Variants in LRP12 observed in about 807,000 individuals in gnomAD.
The protein encoded by LRP12 is LDL receptor related protein 12.
LRP12 carries 14 observed loss-of-function variants against 66.0 expected under a neutral mutation model. The observed-to-expected ratio is 0.21, with a 90% CI of 0.14 to 0.33. The LOEUF (loss-of-function observed/expected upper bound fraction) is 0.33. Among genes scored for constraint, LRP12 ranks in the 10% least tolerant of loss-of-function variants. LRP12 has a pLI of 1.00. For missense variants in LRP12, 889 were observed against 1,053.4 expected (o/e 0.84, Z 2.16); for synonymous variants, 357 against 359.1 (o/e 0.99, Z 0.07).
chr8:104,500,470 C>T (rs778129900), intron 3 of LRP12, among the ~76,000 whole-genome samples: 2 of 151,856 alleles, frequency 1.3e-5, no homozygotes, highest in East Asian at 1.9e-4. Flanking sequence ...CACTTTGGGA[C>T]GCTGAGGTGG....
chr8:104,548,276 AT>A (rs1183693261), intron 1 of LRP12, among the ~76,000 whole-genome samples: 3 of 90,456 alleles, frequency 3.3e-5, no homozygotes, highest in African/African-American at 1.6e-4. Flanking sequence ...GATATATATT[AT>A]ATTAATATAT....
intron 2 of LRP12, among the ~76,000 whole-genome samples, chr8:104,531,189 A>G (rs956407286): frequency 3.3e-5 from 5 of 152,196 alleles, no homozygotes; most frequent in African/African-American, 9.6e-5. Context: ...ACTTATCAAT[A>G]TAGGGAAATA....
chr8:104,548,078 G>T (rs1451797809), intron 1 of LRP12, among the ~76,000 whole-genome samples: 2 of 111,098 alleles, frequency 1.8e-5, no homozygotes, highest in South Asian at 2.6e-4. Context: ...ATATAATTCT[G>T]TTATATTATA....
At chr8:104,495,357 T>G (rs956765096) in intron 5 of LRP12, 148 bp from the exon 6 acceptor site, 2 of 739,840 alleles carry the variant, frequency 2.7e-6, no homozygotes, top group South Asian at 2.0e-5. Flanking sequence ...ACTGAATATA[T>G]GTATTATCCC....
intron 2 of LRP12, among the ~76,000 whole-genome samples, chr8:104,523,934 T>G (rs1270094907): frequency 6.6e-6 from 1 of 152,098 alleles, no homozygotes; most frequent in African/African-American, 2.4e-5. Flanking sequence ...TTTTCTTTTC[T>G]CTAGCTAACT....
intron 1 of LRP12, among the ~76,000 whole-genome samples, chr8:104,586,171 T>C (rs1482162299): frequency 6.6e-6 from 1 of 152,228 alleles, no homozygotes; most frequent in East Asian, 1.9e-4. Context: ...GAAAACATTA[T>C]ATTCTAGATT....
chr8:104,588,980 C>CGCCGCCGCT lies in LRP12; in HGVS notation c.-84_-83insAGCGGCGGC, dbSNP rs1812389644. 1 of 752,170 alleles carries CGCCGCCGCT rather than the reference C, an allele frequency of 1.3e-6. No individual in the cohort carries two copies. Among genetic ancestry groups the CGCCGCCGCT allele is most frequent in the Non-Finnish European group, 2.0e-6 (1 of 491,706 alleles). The allele number at this position is 752,170 out of a possible 1,614,324, so 46.6% of individuals were successfully genotyped here. On this transcript the variant is annotated 5_prime_UTR_variant, in exon 1 of 7. Transcript: ENST00000276654. ...AGGTAGACGACGCCGACGCCGCCGC[C>CGCCGCCGCT]GCCGCCGCCGCCGCCGCCGAGCCAC...
At chr8:104,587,913 C>G (rs190697444) in intron 1 of LRP12, among the ~76,000 whole-genome samples, 5 of 152,318 alleles carry the variant, frequency 3.3e-5, no homozygotes, top group South Asian at 2.1e-4. Flanking sequence ...GTGTGTTTAA[C>G]TGATGAACTA....
intron 2 of LRP12, among the ~76,000 whole-genome samples, chr8:104,510,884 G>C (rs1438369692): frequency 6.6e-6 from 1 of 151,982 alleles, no homozygotes. Context: ...GAGTTGTTGA[G>C]TGAATAATGA....
In LRP12 at chr8:104,589,065, C is replaced by G; in HGVS notation, c.-168G>C. On this transcript the variant is annotated 5_prime_UTR_variant, in exon 1 of 7. Transcript: ENST00000276654. The stretch of plus-strand genomic sequence containing the variant: ...GGGGAAGGGAGGGGCCGCCGCCGCC[C>G]GCGCGCGCTCCCTCCTCCCTCCTCC... 1 of 311,282 alleles carries G rather than the reference C, an allele frequency of 3.2e-6. No individual in the cohort carries two copies. 19.3% of individuals were successfully genotyped at this position (311,282 alleles called of 1,614,324 possible).
chr8:104,527,728 T>C (rs1811261495), intron 2 of LRP12, among the ~76,000 whole-genome samples: 1 of 152,110 alleles, frequency 6.6e-6, no homozygotes, highest in African/African-American at 2.4e-5. Flanking sequence ...ATATATCTAA[T>C]GCTAAATGAC....
intron 1 of LRP12, among the ~76,000 whole-genome samples, chr8:104,582,174 A>T (rs1812260853): frequency 6.6e-6 from 1 of 152,198 alleles, no homozygotes; most frequent in African/African-American, 2.4e-5. Context: ...ACTGAAATGT[A>T]AGTGAATTAA....
intron 1 of LRP12, among the ~76,000 whole-genome samples, chr8:104,560,062 T>C (rs186093118): frequency 9.2e-5 from 14 of 152,250 alleles, no homozygotes. Context: ...CTTAGGTCTG[T>C]CTTATTATAA....
intron 1 of LRP12, among the ~76,000 whole-genome samples, chr8:104,561,067 A>C (rs886888004): frequency 1.3e-5 from 2 of 152,140 alleles, no homozygotes; most frequent in East Asian, 3.8e-4. Context: ...TGTTGCAACT[A>C]CTCAACTCTG....
At chr8:104,559,025 C>T (rs1811859501) in intron 1 of LRP12, among the ~76,000 whole-genome samples, 1 of 152,088 alleles carries the variant, frequency 6.6e-6, no homozygotes, top group South Asian at 2.1e-4. Flanking sequence ...TAAACTAGTA[C>T]AAGCACTATG....
chr8:104,549,908 T>G (rs1361391634), intron 1 of LRP12, among the ~76,000 whole-genome samples: 3 of 152,148 alleles, frequency 2.0e-5, no homozygotes, highest in Non-Finnish European at 4.4e-5. Context: ...CCACTATTCT[T>G]AGTAAATCGC....
At chr8:104,521,349 T>C (rs1811148734) in intron 2 of LRP12, among the ~76,000 whole-genome samples, 1 of 151,436 alleles carries the variant, frequency 6.6e-6, no homozygotes, top group African/African-American at 2.4e-5. Context: ...ATAATTATTT[T>C]GTTATAAATA....
chr8:104,561,108 T>C (rs1317273673), intron 1 of LRP12, among the ~76,000 whole-genome samples: 2 of 152,152 alleles, frequency 1.3e-5, no homozygotes, highest in Non-Finnish European at 2.9e-5. Context: ...CTACAGACAA[T>C]ATGTAAATTA....
chr8:104,523,718 G>A (rs1811184458), intron 2 of LRP12, among the ~76,000 whole-genome samples: 1 of 152,120 alleles, frequency 6.6e-6, no homozygotes, highest in African/African-American at 2.4e-5. Context: ...GATGTTGCAA[G>A]TGCTCCCAAG....
Sources: gnomAD v4.1 joint callset for allele counts (sites outside exome capture counted in the v4.1 genomes callset) on GRCh38, gnomAD v4.1.1 for gene constraint, MANE v1.5 for transcripts, NCBI Gene and HGNC (gene_info 2026-07-23, HGNC 2026-07-21) for gene names.